The following RBFOX2 variants were observed in gnomAD, a reference collection of about 807,000 sequenced individuals.
RBFOX2 encodes the protein RNA binding fox-1 homolog 2.
RBFOX2 carries 10 observed loss-of-function variants against 49.1 expected under a neutral mutation model. That is an observed-to-expected ratio of 0.20 (90% CI 0.13 to 0.35). The LOEUF is 0.35. Among genes scored for constraint, RBFOX2 ranks in the 10% least tolerant of loss-of-function variants. The probability of loss-of-function intolerance (pLI) is 1.00; values close to 1 mark genes in which losing one functional copy is unlikely to be tolerated. For missense variants in RBFOX2, 323 were observed against 486.9 expected (o/e 0.66, Z 3.17); for synonymous variants, 183 against 187.4 (o/e 0.98, Z 0.19).
chr22:35,799,162 A>G (rs1037572310), intron 2 of RBFOX2, among the ~76,000 whole-genome samples: 13 of 152,244 alleles, frequency 8.5e-5, no homozygotes, highest in Non-Finnish European at 1.8e-4. Context: ...GGTAGTTAGA[A>G]TATGTACACA....
intron 11 of RBFOX2, among the ~76,000 whole-genome samples, chr22:35,745,683 C>T (rs184736810): frequency 6.6e-6 from 1 of 152,196 alleles, no homozygotes; most frequent in Non-Finnish European, 1.5e-5. Flanking sequence ...CATGCCACTA[C>T]TCGGGGCATA....
chr22:35,981,665 T>C (rs1468701521), intron 1 of RBFOX2, among the ~76,000 whole-genome samples: 1 of 151,764 alleles, frequency 6.6e-6, no homozygotes, highest in Non-Finnish European at 1.5e-5. Flanking sequence ...AAATTAGAAT[T>C]AAAAATTTAA....
chr22:35,924,337 G>C (rs2051370455), intron 1 of RBFOX2, among the ~76,000 whole-genome samples: 1 of 152,206 alleles, frequency 6.6e-6, no homozygotes, highest in African/African-American at 2.4e-5. Context: ...AAGCTTGTGA[G>C]AGCACAGGCT....
chr22:35,832,763 C>T (rs768588318), intron 1 of RBFOX2, among the ~76,000 whole-genome samples: 3 of 152,094 alleles, frequency 2.0e-5, no homozygotes, highest in Admixed American at 1.3e-4. Context: ...ACCCAGGAGG[C>T]GCAGATTGCA....
intron 1 of RBFOX2, among the ~76,000 whole-genome samples, chr22:35,879,749 T>C (rs549511100): frequency 3.6e-4 from 55 of 152,312 alleles, no homozygotes; most frequent in African/African-American, 1.2e-3. Flanking sequence ...ATGTCAGATG[T>C]TGTGATTAGA....
Position 35,759,809 on chromosome 22 carries a change from T to C in RBFOX2, c.887+79A>G. 6.4e-7 allele frequency: 1 copy of C among 1,569,056 alleles called. No individual in the cohort carries two copies. The highest frequency in any genetic ancestry group is 8.7e-7 in the Non-Finnish European group (1 of 1,145,958). The stretch of plus-strand genomic sequence containing the variant: ...CTGTGACACGGCAACATCCCAGAAG[T>C]TATGAAAGGGCCATGGTATTCTTTT... On this transcript the variant is annotated intron_variant, in intron 9 of 11. Transcript: ENST00000405409. The surrounding 1 kb of genome is among the most constrained non-coding windows in gnomAD (Gnocchi z 4.6).
intron 1 of RBFOX2, among the ~76,000 whole-genome samples, chr22:35,815,554 T>C (rs539832035): frequency 2.6e-5 from 4 of 152,294 alleles, no homozygotes; most frequent in Admixed American, 1.3e-4. Context: ...TAAACTGCTA[T>C]TGTATTGCTT....
At chr22:35,919,962 G>A (rs1217764147) in intron 1 of RBFOX2, among the ~76,000 whole-genome samples, 1 of 152,108 alleles carries the variant, frequency 6.6e-6, no homozygotes, top group Non-Finnish European at 1.5e-5. Context: ...GGACTTTAGT[G>A]TCCTTTCTTA....
chr22:35,786,777 G>A (rs1946493695), intron 2 of RBFOX2, among the ~76,000 whole-genome samples: 1 of 152,238 alleles, frequency 6.6e-6, no homozygotes, highest in African/African-American at 2.4e-5. Flanking sequence ...GTGCAGAGAT[G>A]TTCAGTTAGT....
intron 1 of RBFOX2, among the ~76,000 whole-genome samples, chr22:35,869,246 C>T (rs1468071850): frequency 6.6e-6 from 1 of 151,960 alleles, no homozygotes; most frequent in Non-Finnish European, 1.5e-5. Flanking sequence ...CTGCAACCTG[C>T]TTCCTGGGTT....
intron 4 of RBFOX2, among the ~76,000 whole-genome samples, chr22:35,773,480 C>T (rs73159788): frequency 0.013 from 1,993 of 152,028 alleles, 23 homozygotes; most frequent in Admixed American, 0.025. Context: ...TGATGGCTAT[C>T]CCAATTACTC....
chr22:35,901,153 A>G (rs1462997418), intron 1 of RBFOX2, among the ~76,000 whole-genome samples: 2 of 152,256 alleles, frequency 1.3e-5, no homozygotes, highest in Non-Finnish European at 2.9e-5. Flanking sequence ...CAAAGTGGTT[A>G]CATAATATAC....
chr22:35,818,902 T>A (rs1953801709), intron 1 of RBFOX2, among the ~76,000 whole-genome samples: 1 of 152,232 alleles, frequency 6.6e-6, no homozygotes, highest in African/African-American at 2.4e-5. Flanking sequence ...ATAAATTTTG[T>A]TGGGTATTCT....
intron 1 of RBFOX2, among the ~76,000 whole-genome samples, chr22:36,010,732 T>TACACACAC (rs34495987): frequency 2.8e-4 from 39 of 137,070 alleles, no homozygotes; most frequent in East Asian, 1.1e-3. Flanking sequence ...TACTGTTCAG[T>TACACACAC]ACACACACAC....
At chr22:35,979,884 C>T (rs1343698611) in intron 1 of RBFOX2, among the ~76,000 whole-genome samples, 2 of 152,178 alleles carry the variant, frequency 1.3e-5, no homozygotes, top group African/African-American at 2.4e-5. Flanking sequence ...ATCTACTACA[C>T]CATGCTACCT....
At chr22:35,833,058 ATATG>A (rs1957081916) in intron 1 of RBFOX2, among the ~76,000 whole-genome samples, 1 of 152,216 alleles carries the variant, frequency 6.6e-6, no homozygotes, top group Non-Finnish European at 1.5e-5. Flanking sequence ...TACCCCATAA[ATATG>A]TATAATTATG....
At chr22:35,743,374 T>G (rs891897437) in exon 12 of RBFOX2, 3 of 152,074 alleles carry the variant, frequency 2.0e-5, no homozygotes, top group African/African-American at 7.3e-5. Context: ...GTGGTTCAAT[T>G]AAAGGAGAAG....
At chr22:35,836,064 CAG>C (rs1455532438) in intron 1 of RBFOX2, among the ~76,000 whole-genome samples, 1 of 151,948 alleles carries the variant, frequency 6.6e-6, no homozygotes, top group Non-Finnish European at 1.5e-5. Context: ...CCAAAACAAA[CAG>C]TGTGGCTGCA....
chr22:35,888,203 T>A (rs2046825064), intron 1 of RBFOX2, among the ~76,000 whole-genome samples: 1 of 152,228 alleles, frequency 6.6e-6, no homozygotes, highest in Non-Finnish European at 1.5e-5. Flanking sequence ...ACATCAAATT[T>A]ATGATCACAA....
Sources: allele counts gnomAD v4.1 joint callset (sites outside exome capture counted in the v4.1 genomes callset), GRCh38; gene constraint gnomAD v4.1.1; non-coding constraint Gnocchi (gnomAD v3.1); transcripts MANE v1.5; gene names NCBI Gene and HGNC (gene_info 2026-07-23, HGNC 2026-07-21).